The following DENND1A variants were observed in gnomAD, a reference collection of about 807,000 sequenced individuals.
The protein encoded by DENND1A is DENN domain containing 1A.
A neutral mutation model predicts 113.7 loss-of-function variants in DENND1A; 51 were observed. The ratio of observed to expected loss-of-function variants is 0.45; its 90% CI spans 0.36 to 0.57. DENND1A has a LOEUF of 0.57. Among genes scored for constraint, DENND1A ranks in the 20% least tolerant of loss-of-function variants. The probability of loss-of-function intolerance (pLI) is 0.00; values close to 1 mark genes in which losing one functional copy is unlikely to be tolerated. For synonymous variants in DENND1A, 565 were observed against 570.8 expected (o/e 0.99, Z 0.14); for missense variants, 1,258 against 1,395.9 (o/e 0.90, Z 1.57).
rs961241138 is a variant in DENND1A, at chr9:123,764,617, G to A, written c.182+4897C>T. 2.0e-5 allele frequency among the ~76,000 whole-genome samples: 3 copies of A among 152,306 alleles called. No individual in the cohort carries two copies. Among genetic ancestry groups the A allele is most frequent in the African/African-American group, 2.4e-5 (1 of 41,562 alleles). Reference sequence around the variant, plus strand: ...AGACAGAACGCAATGCCTACCTGCTGGAGAAACTCACCAGACAATTCTAAG... The same window carrying A: ...AGACAGAACGCAATGCCTACCTGCTAGAGAAACTCACCAGACAATTCTAAG... On this transcript the variant is annotated intron_variant, in intron 4 of 23. Transcript: ENST00000394215. The surrounding 1 kb of genome is among the most constrained non-coding windows in gnomAD (Gnocchi z 4.1).
At chr9:123,473,755 C>G (rs1437417857) in intron 13 of DENND1A, among the ~76,000 whole-genome samples, 2 of 152,122 alleles carry the variant, frequency 1.3e-5, no homozygotes, top group African/African-American at 4.8e-5. Context: ...CAGGGCCAGG[C>G]TCCCCTGCTG....
At chr9:123,756,654 T>G (rs958455295) in intron 5 of DENND1A, among the ~76,000 whole-genome samples, 27 of 152,294 alleles carry the variant, frequency 1.8e-4, no homozygotes, top group African/African-American at 6.3e-4. Context: ...TGCAAATGTA[T>G]AGCAGTCCAG....
At chr9:123,693,365 C>G (rs973604015) in intron 5 of DENND1A, among the ~76,000 whole-genome samples, 6 of 152,172 alleles carry the variant, frequency 3.9e-5, no homozygotes, top group African/African-American at 1.4e-4. Context: ...TTGACAAATG[C>G]CCACATCGGT....
chr9:123,808,321 A>G (rs192822789), intron 2 of DENND1A, among the ~76,000 whole-genome samples: 1 of 152,234 alleles, frequency 6.6e-6, no homozygotes, highest in Non-Finnish European at 1.5e-5. Flanking sequence ...CATGCATCAA[A>G]GTCACCTGAT....
chr9:123,489,641 T>G (rs1335178938), intron 13 of DENND1A, among the ~76,000 whole-genome samples: 1 of 152,158 alleles, frequency 6.6e-6, no homozygotes, highest in Non-Finnish European at 1.5e-5. Context: ...AGTTCATCCA[T>G]TTGGTGTCTA....
intron 19 of DENND1A, among the ~76,000 whole-genome samples, chr9:123,432,573 A>G (rs2046216241): frequency 6.6e-6 from 1 of 152,206 alleles, no homozygotes; most frequent in South Asian, 2.1e-4. Flanking sequence ...ACCTCTGCTC[A>G]CTCACACAAA....
chr9:123,749,350 G>A (rs1281188582), intron 5 of DENND1A, among the ~76,000 whole-genome samples: 1 of 152,200 alleles, frequency 6.6e-6, no homozygotes, highest in Non-Finnish European at 1.5e-5. Flanking sequence ...TATAGAAAGA[G>A]AGGACAAATA....
chr9:123,419,839 CCT>C lies in DENND1A; in HGVS notation c.1489-8012_1489-8011del, dbSNP rs150135043. ...CCCAGCGCCCATCGCTGTCTCCGAT[CCT>C]CTCTGTCCGCCCTGGATGAGGGCTG... On this transcript the variant is annotated intron_variant, in intron 19 of 23. Transcript: ENST00000394215. 2.8e-4 allele frequency among the ~76,000 whole-genome samples: 42 copies of C among 152,366 alleles called. No individual in the cohort carries two copies. In the East Asian group the frequency reaches 6.6e-3, roughly 24 times the overall value.
At chr9:123,871,254 T>C (rs1588020612) in intron 2 of DENND1A, among the ~76,000 whole-genome samples, 1 of 152,086 alleles carries the variant, frequency 6.6e-6, no homozygotes, top group African/African-American at 2.4e-5. Flanking sequence ...AGCTATGTTT[T>C]TGTATGTTTA....
intron 5 of DENND1A, among the ~76,000 whole-genome samples, chr9:123,718,992 G>T (rs568662851): frequency 6.6e-6 from 1 of 152,132 alleles, no homozygotes; most frequent in Non-Finnish European, 1.5e-5. Context: ...TAAGTCTCAC[G>T]AGATCTGACA....
chr9:123,483,313 G>A (rs1239144594), intron 13 of DENND1A, among the ~76,000 whole-genome samples: 2 of 152,224 alleles, frequency 1.3e-5, no homozygotes, highest in African/African-American at 4.8e-5. Context: ...CCAAGAGCAG[G>A]GGCTGGCATG....
At chr9:123,653,996 C>T (rs560053655) in intron 8 of DENND1A, among the ~76,000 whole-genome samples, 1 of 152,154 alleles carries the variant, frequency 6.6e-6, no homozygotes, top group Non-Finnish European at 1.5e-5. Context: ...TAGATCTCCT[C>T]AATCCAAAAC....
At chr9:123,722,108 G>C (rs1364429218) in intron 5 of DENND1A, among the ~76,000 whole-genome samples, 1 of 152,188 alleles carries the variant, frequency 6.6e-6, no homozygotes, top group African/African-American at 2.4e-5. Context: ...CTCAAAAGGA[G>C]ATGAGGAACC....
At chr9:123,873,131 A>C (rs1471929255) in intron 2 of DENND1A, among the ~76,000 whole-genome samples, 3 of 152,238 alleles carry the variant, frequency 2.0e-5, no homozygotes, top group Admixed American at 6.5e-5. Flanking sequence ...AAAGGCAAAC[A>C]TAAGTTGTAT....
chr9:123,571,004 T>C (rs537077623), intron 12 of DENND1A, among the ~76,000 whole-genome samples: 14 of 152,334 alleles, frequency 9.2e-5, no homozygotes, highest in African/African-American at 3.1e-4. Context: ...AATGCAATAT[T>C]GTCAGTGAAA....
intron 1 of DENND1A, 21 bp from the exon 2 acceptor site, chr9:123,879,042 G>A (rs769686247): frequency 6.2e-7 from 1 of 1,612,538 alleles, no homozygotes; most frequent in Non-Finnish European, 8.5e-7. Context: ...AACAGATCAT[G>A]ATTACTGACA....
intron 2 of DENND1A, among the ~76,000 whole-genome samples, chr9:123,834,840 A>C (rs1840811583): frequency 6.6e-6 from 1 of 152,266 alleles, no homozygotes; most frequent in Non-Finnish European, 1.5e-5. Context: ...TTGGCAAAAG[A>C]TCAAGGTTTC....
chr9:123,913,352 G>A (rs1277921678), intron 1 of DENND1A, among the ~76,000 whole-genome samples: 1 of 151,950 alleles, frequency 6.6e-6, no homozygotes, highest in East Asian at 1.9e-4. Flanking sequence ...GATCACACAG[G>A]GCCAGGAAAT....
At chr9:123,665,675 T>C (rs2063458886) in intron 8 of DENND1A, among the ~76,000 whole-genome samples, 1 of 152,236 alleles carries the variant, frequency 6.6e-6, no homozygotes, top group Non-Finnish European at 1.5e-5. Context: ...CCAGTACTTT[T>C]CTTATCAAGT....
Sources: allele counts gnomAD v4.1 joint callset (sites outside exome capture counted in the v4.1 genomes callset), GRCh38; gene constraint gnomAD v4.1.1; non-coding constraint Gnocchi (gnomAD v3.1); transcripts MANE v1.5; gene names NCBI Gene and HGNC (gene_info 2026-07-23, HGNC 2026-07-21).